The following ZNF267 variants were observed in gnomAD, a reference collection of about 807,000 sequenced individuals.
The protein encoded by ZNF267 is zinc finger protein 267, also known as zinc finger (C2H2).
A neutral mutation model predicts 71.6 loss-of-function variants in ZNF267; 61 were observed. That is an observed-to-expected ratio of 0.85 (90% CI 0.69 to 1.05). The LOEUF (loss-of-function observed/expected upper bound fraction) is 1.05, where lower values mean the gene tolerates loss of function less well. Ranked by LOEUF, ZNF267 falls within the 50% of genes least tolerant of loss-of-function variation. The probability of loss-of-function intolerance (pLI) is 0.00; values close to 1 mark genes in which losing one functional copy is unlikely to be tolerated. For missense variants in ZNF267, 852 were observed against 870.0 expected (o/e 0.98, Z 0.26); for synonymous variants, 288 against 293.2 (o/e 0.98, Z 0.18).
At chr16:31,906,765 G>A (rs946416113) in intron 3 of ZNF267, among the ~76,000 whole-genome samples, 7 of 151,810 alleles carry the variant, frequency 4.6e-5, no homozygotes, top group African/African-American at 7.3e-5. Context: ...GCTCACGCAC[G>A]GTGGGCTGCA....
At chr16:31,907,834 A>G (rs2084103693) in intron 3 of ZNF267, among the ~76,000 whole-genome samples, 2 of 151,986 alleles carry the variant, frequency 1.3e-5, no homozygotes, top group South Asian at 4.2e-4. Flanking sequence ...CAGGAGATTG[A>G]GACCGTCCTG....
Position 31,916,419 on chromosome 16 carries a change from G to A in ZNF267, c.2170G>A (p.Ala724Thr), listed in dbSNP as rs1397035597. Reference sequence around the variant, plus strand: ...CTACAAATGTGAAGAATGTGGCAAAGCCTTTAACTCTAGGTCATACCTCAT... The same window carrying A: ...CTACAAATGTGAAGAATGTGGCAAAACCTTTAACTCTAGGTCATACCTCAT... Reference protein sequence around the residue: ...RPYKCEECGKAFNSRSYLIAH... With the variant: ...RPYKCEECGKTFNSRSYLIAH... The change falls in exon 4 of 4, where the codon GCC becomes ACC. Residue 724 changes from alanine to threonine, a missense_variant. Physicochemically the swap from Ala to Thr is moderately conservative, Grantham distance 58. Transcript: ENST00000300870. 2.5e-6 allele frequency: 4 copies of A among 1,614,154 alleles called. No homozygotes were observed. The South Asian group carries it at 3.3e-5, about 13-fold the overall frequency.
chr16:31,890,324 T>C (rs1327546631), intron 3 of ZNF267: 1 of 152,254 alleles, frequency 6.6e-6, no homozygotes, highest in Non-Finnish European at 1.5e-5. Context: ...TTCTATATCC[T>C]CTTAACAAAT....
intron 1 of ZNF267, among the ~76,000 whole-genome samples, chr16:31,878,452 G>A (rs2083867399): frequency 6.6e-6 from 1 of 152,110 alleles, no homozygotes; most frequent in Admixed American, 6.5e-5. Context: ...TGACTGTCAG[G>A]AATTGCACCC....
At chr16:31,884,689 C>T in intron 2 of ZNF267, 65 bp downstream of exon 2, 1 of 1,521,492 alleles carries the variant, frequency 6.6e-7, no homozygotes, top group South Asian at 1.3e-5. Context: ...CAGAATGTCC[C>T]TTGGGATCTT....
At chr16:31,910,854 C>T (rs1596630618) in intron 3 of ZNF267, among the ~76,000 whole-genome samples, 1 of 151,350 alleles carries the variant, frequency 6.6e-6, no homozygotes, top group East Asian at 1.9e-4. Flanking sequence ...TTTCTCAGTA[C>T]TGCTTTTGCT....
chr16:31,906,573 G>A (rs1446587781), intron 3 of ZNF267, among the ~76,000 whole-genome samples: 5 of 152,166 alleles, frequency 3.3e-5, no homozygotes, highest in Admixed American at 6.5e-5. Flanking sequence ...AGGAACCTCC[G>A]AGCCAGGTGC....
At chr16:31,875,144 C>T (rs2083843100) in intron 1 of ZNF267, 1 of 1,289,060 alleles carries the variant, frequency 7.8e-7, no homozygotes. Context: ...GCTTTGGAAA[C>T]TTTACAGGGC....
At chr16:31,875,964 G>C (rs112309347) in intron 1 of ZNF267, among the ~76,000 whole-genome samples, 22 of 151,912 alleles carry the variant, frequency 1.4e-4, no homozygotes, top group African/African-American at 5.3e-4. Context: ...TCTCAGGTTT[G>C]TTCTTTTTTT....
At chr16:31,911,296 T>C (rs2084133317) in intron 3 of ZNF267, among the ~76,000 whole-genome samples, 1 of 151,726 alleles carries the variant, frequency 6.6e-6, no homozygotes, top group South Asian at 2.1e-4. Flanking sequence ...TCAATTATTA[T>C]TGTATTGGGG....
intron 3 of ZNF267, among the ~76,000 whole-genome samples, chr16:31,891,617 C>T (rs927715554): frequency 2.0e-5 from 3 of 152,084 alleles, no homozygotes; most frequent in South Asian, 2.1e-4. Flanking sequence ...ATAAGTCTCA[C>T]GAGATCTGAT....
rs2084157882 is a variant in ZNF267, at chr16:31,914,523, G to GAAATCCA, written c.276_277insATCCAAA (p.Ala93IlefsTer17). The GAAATCCA allele has an allele frequency of 8.7e-6, 14 of 1,613,774 alleles. No homozygotes were observed. The highest frequency in any genetic ancestry group is 1.2e-5 in the Non-Finnish European group (14 of 1,179,942). On this transcript the variant is annotated frameshift_variant, in exon 4 of 4. Coordinates refer to ENST00000300870, the MANE Select transcript of ZNF267 (RefSeq NM_003414.6). LOFTEE classifies it high-confidence loss of function. ...GGACCTGTTGACAGAGCACTGCACA[G>GAAATCCA]AAGCTTCATTCCAAAAAGTGATATC...
intron 1 of ZNF267, among the ~76,000 whole-genome samples, chr16:31,880,659 G>A (rs2142331018): frequency 6.6e-6 from 1 of 152,276 alleles, no homozygotes; most frequent in South Asian, 2.1e-4. Flanking sequence ...GCTGACAACG[G>A]GCTAATCTTG....
intron 3 of ZNF267, among the ~76,000 whole-genome samples, chr16:31,909,200 C>G (rs148277162): frequency 7.0e-6 from 1 of 142,974 alleles, no homozygotes; most frequent in African/African-American, 2.6e-5. Flanking sequence ...GATCTCGGCT[C>G]GGCTCACTGC....
intron 3 of ZNF267, among the ~76,000 whole-genome samples, chr16:31,899,377 C>T (rs369767865): frequency 3.3e-5 from 5 of 152,204 alleles, no homozygotes; most frequent in African/African-American, 1.2e-4. Context: ...GGTTAAGACT[C>T]TCACTCAAAA....
At chr16:31,892,781 G>A (rs897425891) in intron 3 of ZNF267, among the ~76,000 whole-genome samples, 1 of 152,256 alleles carries the variant, frequency 6.6e-6, no homozygotes, top group African/African-American at 2.4e-5. Context: ...GCTGATGCAA[G>A]AGGTGGGCTC....
intron 3 of ZNF267, among the ~76,000 whole-genome samples, chr16:31,899,870 A>T (rs1468473579): frequency 1.3e-5 from 2 of 152,180 alleles, no homozygotes; most frequent in South Asian, 4.1e-4. Context: ...AATAACCTAG[A>T]TTGTAATATA....
At chr16:31,914,314 T>G in intron 3 of ZNF267, 162 bp from the exon 4 acceptor site, 5 of 627,410 alleles carry the variant, frequency 8.0e-6, no homozygotes, top group Admixed American at 3.5e-5. Flanking sequence ...CGTGCCACTT[T>G]ATTGTAGTAA....
At chr16:31,888,154 A>G (rs1221009253) in intron 3 of ZNF267, among the ~76,000 whole-genome samples, 1 of 151,988 alleles carries the variant, frequency 6.6e-6, no homozygotes, top group East Asian at 1.9e-4. Context: ...TTTTTTTGTA[A>G]CTTTTTTCTC....
Sources: allele counts gnomAD v4.1 joint callset (sites outside exome capture counted in the v4.1 genomes callset), GRCh38; gene constraint gnomAD v4.1.1; transcripts MANE v1.5; gene names NCBI Gene and HGNC (gene_info 2026-07-23, HGNC 2026-07-21).